SCAMP4: variants seen among roughly 807,000 people sequenced by gnomAD.
SCAMP4 encodes secretory carrier-associated membrane protein 4.
A neutral mutation model predicts 32.1 loss-of-function variants in SCAMP4; 19 were observed. That is an observed-to-expected ratio of 0.59 (90% CI 0.41 to 0.87). The LOEUF (loss-of-function observed/expected upper bound fraction) is 0.87, where lower values mean the gene tolerates loss of function less well. Ranked by LOEUF, SCAMP4 falls within the 40% of genes least tolerant of loss-of-function variation. The pLI is 0.00. For synonymous variants in SCAMP4, 152 were observed against 132.7 expected (o/e 1.15, Z -1.00); for missense variants, 302 against 309.0 (o/e 0.98, Z 0.17).
chr19:1,908,156 C>T lies in SCAMP4; in HGVS notation c.-42+2717C>T, dbSNP rs1020958933. The stretch of plus-strand genomic sequence containing the variant: ...CTCGGTCCTGGTCGCGCGTGGTGTG[C>T]GTTTTGGGAGGGCCCAGCGAGTCGG... On this transcript the variant is annotated intron_variant, in intron 1 of 6. Coordinates refer to ENST00000316097, the MANE Select transcript of SCAMP4 (RefSeq NM_079834.4). This position sits in a 1 kb window ranked among gnomAD's most constrained non-coding sequence, Gnocchi z 4.2. 2 of 259,538 alleles carry T rather than the reference C, an allele frequency of 7.7e-6. No homozygotes were observed. The highest frequency in any genetic ancestry group is 5.2e-5 in the Admixed American group (1 of 19,328). 16.1% of individuals were successfully genotyped at this position (259,538 alleles called of 1,614,324 possible).
chr19:1,914,913 G>A, intron 1 of SCAMP4, 66 bp from the exon 2 acceptor site: 1 of 1,344,832 alleles, frequency 7.4e-7, no homozygotes, highest in South Asian at 1.2e-5. Flanking sequence ...AGCCACGGTG[G>A]GTGGGTGGTT....
In SCAMP4 at chr19:1,908,861, T is replaced by C. The variant is rs1315318675; in HGVS notation, c.-42+3422T>C. 6.7e-6 allele frequency among the ~76,000 whole-genome samples: 1 copy of C among 150,204 alleles called. No individual in the cohort carries two copies. The highest frequency in any genetic ancestry group is 2.5e-5 in the African/African-American group (1 of 40,620). On this transcript the variant is annotated intron_variant, in intron 1 of 6. Coordinates refer to ENST00000316097, the MANE Select transcript of SCAMP4 (RefSeq NM_079834.4). This position sits in a 1 kb window ranked among gnomAD's most constrained non-coding sequence, Gnocchi z 4.2. ...GCTCACACCTGTAATCCCAGCACTT[T>C]GGGAGGCTGAGGCAGGTGGATCACC...
chr19:1,919,151 G>A (rs1199827087), intron 5 of SCAMP4, 161 bp downstream of exon 5: 14 of 1,445,668 alleles, frequency 9.7e-6, no homozygotes, highest in African/African-American at 2.9e-5. Flanking sequence ...CCGCGTCCTC[G>A]CCAGCGCCCG....
intron 1 of SCAMP4, chr19:1,912,476 C>T (rs2013517980): frequency 6.7e-7 from 1 of 1,500,300 alleles, no homozygotes; most frequent in Non-Finnish European, 8.8e-7. Flanking sequence ...TCCTGGTGCC[C>T]GTGCCCGCCC....
rs1455995288 is a variant in SCAMP4 at position 1,925,568 on chromosome 19, T to C, written c.*1284T>C. ...AACGGTTGGGCCAAAAAGAAACTTT[T>C]CCTTCATCATTTCCTGCACTCGCTG... On this transcript the variant is annotated 3_prime_UTR_variant, in exon 7 of 7. Transcript: ENST00000316097. The C allele has an allele frequency of 6.5e-6, 1 of 153,070 alleles. No homozygotes were observed. The highest frequency in any genetic ancestry group is 6.5e-5 in the Admixed American group (1 of 15,270). The allele number at this position is 153,070 out of a possible 1,614,324, so 9.5% of individuals were successfully genotyped here.
chr19:1,910,575 C>CTTT (rs11350651), intron 1 of SCAMP4, among the ~76,000 whole-genome samples: 4 of 95,078 alleles, frequency 4.2e-5, no homozygotes, highest in African/African-American at 1.1e-4. Context: ...TTTGAGGTGT[C>CTTT]TTTTTTTTTT....
Position 1,912,766 on chromosome 19 carries a change from C to G in SCAMP4, c.-41-2213C>G, listed in dbSNP as rs1212965737. The stretch of plus-strand genomic sequence containing the variant: ...TGCGCGGACAACCCCCTCCTGCACG[C>G]CGTCATGGTGTGCGTGGACCTCGTG... On this transcript the variant is annotated intron_variant, in intron 1 of 6. Transcript: ENST00000316097. 4 of 1,560,736 alleles carry G rather than the reference C, an allele frequency of 2.6e-6. No individual in the cohort carries two copies. In the Admixed American group the frequency reaches 7.3e-5, roughly 29 times the overall value.
At chr19:1,912,756 C>G in intron 1 of SCAMP4, 1 of 1,553,242 alleles carries the variant, frequency 6.4e-7, no homozygotes, top group Non-Finnish European at 8.6e-7. Flanking sequence ...GGACAACCCC[C>G]TCCTGCACGC....
intron 1 of SCAMP4, among the ~76,000 whole-genome samples, chr19:1,911,552 G>T (rs1000665052): frequency 6.6e-6 from 1 of 152,190 alleles, no homozygotes; most frequent in South Asian, 2.1e-4. Flanking sequence ...AGGTTGAAGC[G>T]GGTGGATCAC....
At position 1,908,264 on chromosome 19, in the gene SCAMP4, A is replaced by G. The variant is rs2013244608; in HGVS notation, c.-42+2825A>G. 1 of 281,632 alleles carries G rather than the reference A, an allele frequency of 3.6e-6. No individual in the cohort carries two copies. Among genetic ancestry groups the G allele is most frequent in the South Asian group, 2.8e-5 (1 of 35,376 alleles). The allele number at this position is 281,632 out of a possible 1,614,324, so 17.4% of individuals were successfully genotyped here. A position where few individuals can be genotyped will look rare whatever the true frequency, so the allele number is the denominator to read the frequency against. Reference sequence around the variant, plus strand: ...TCCGCGCTTCCTGCTCCCGGCTCCCACTGCATCTCCGGTTCTGTGCTTTGT... The same window carrying G: ...TCCGCGCTTCCTGCTCCCGGCTCCCGCTGCATCTCCGGTTCTGTGCTTTGT... On this transcript the variant is annotated intron_variant, in intron 1 of 6. Transcript: ENST00000316097. The surrounding 1 kb of genome is among the most constrained non-coding windows in gnomAD (Gnocchi z 4.2).
intron 1 of SCAMP4, chr19:1,912,877 G>A (rs1482019898): frequency 3.1e-6 from 5 of 1,603,888 alleles, no homozygotes; most frequent in East Asian, 4.5e-5. Flanking sequence ...CAGGCCGTCC[G>A]CGCAGGCGCC....
At chr19:1,921,408 G>A (rs931147810) in intron 5 of SCAMP4, 1 of 984,306 alleles carries the variant, frequency 1.0e-6, no homozygotes, top group Non-Finnish European at 1.2e-6. Context: ...TGGTGAGGGT[G>A]GCCACATGGC....
chr19:1,922,890 G>A lies in SCAMP4; in HGVS notation c.396-180G>A, dbSNP rs188769921. The A allele has an allele frequency of 7.7e-4, 1,025 of 1,333,830 alleles. 4 individuals are homozygous for A. Among genetic ancestry groups the A allele is most frequent in the Non-Finnish European group, 6.8e-4 (715 of 1,044,332 alleles). 82.6% of individuals were successfully genotyped at this position (1,333,830 alleles called of 1,614,324 possible). A position where few individuals can be genotyped will look rare whatever the true frequency, so the allele number is the denominator to read the frequency against. On this transcript the variant is annotated intron_variant, in intron 5 of 6. Coordinates refer to ENST00000316097, the MANE Select transcript of SCAMP4 (RefSeq NM_079834.4). ...TGGAGGGATAAGGTCGTATTCACGCGTTGAAGTTGGTGCCTCTCAGTATCG... is the reference window on the plus strand; with the variant it reads ...TGGAGGGATAAGGTCGTATTCACGCATTGAAGTTGGTGCCTCTCAGTATCG...
Position 1,924,323 on chromosome 19 carries a change from C to T in SCAMP4, c.*39C>T, listed in dbSNP as rs779042714. On this transcript the variant is annotated 3_prime_UTR_variant, in exon 7 of 7. Transcript: ENST00000316097. ...TGCCCCCACCGCCCACCACCTCCTC[C>T]CCTTCATTCCTGCTGCTACCCCTGG... 2.0e-6 allele frequency: 3 copies of T among 1,531,144 alleles called. No homozygotes were observed. The highest frequency in any genetic ancestry group is 1.8e-6 in the Non-Finnish European group (2 of 1,134,742). 94.8% of individuals were successfully genotyped at this position (1,531,144 alleles called of 1,614,324 possible).
Position 1,918,931 on chromosome 19 carries a change from C to A in SCAMP4, c.336C>A (p.Phe112Leu). The A allele has an allele frequency of 6.2e-7, 1 of 1,612,444 alleles. No individual in the cohort carries two copies. The highest frequency in any genetic ancestry group is 8.5e-7 in the Non-Finnish European group (1 of 1,179,248). The change falls in exon 5 of 7, where the codon TTC (phenylalanine) becomes TTA (leucine). Residue 112 changes from phenylalanine (F) to leucine (L), a missense_variant. Physicochemically the swap from Phe to Leu is conservative, Grantham distance 22 (BLOSUM62 0). Transcript: ENST00000316097. ...SFNFMAFFFIFGAQFVLTVIQ... is the reference protein window; with the variant it reads ...SFNFMAFFFILGAQFVLTVIQ... ...ATTTCATGGCGTTTTTCTTCATCTT[C>A]GGAGCCCAGTTTGTCCTGACCGTCA...
chr19:1,913,921 G>T (rs894116934), intron 1 of SCAMP4, among the ~76,000 whole-genome samples: 1 of 152,166 alleles, frequency 6.6e-6, no homozygotes, highest in Admixed American at 6.5e-5. Flanking sequence ...GAGGGGATCC[G>T]GCAGGTGGGG....
At chr19:1,910,408 C>T (rs922466211) in intron 1 of SCAMP4, among the ~76,000 whole-genome samples, 20 of 152,158 alleles carry the variant, frequency 1.3e-4, no homozygotes, top group African/African-American at 4.8e-4. Flanking sequence ...GCAGAGATCA[C>T]ATCAGTGGTT....
intron 5 of SCAMP4, chr19:1,920,259 G>A (rs575292309): frequency 2.0e-6 from 2 of 985,442 alleles, no homozygotes; most frequent in South Asian, 4.7e-5. Context: ...TGCTCACGGA[G>A]CCGTGGGTGC....
intron 1 of SCAMP4, 96 bp from the exon 2 acceptor site, chr19:1,914,883 G>A (rs1243719128): frequency 3.0e-6 from 3 of 996,708 alleles, no homozygotes; most frequent in Non-Finnish European, 4.8e-6. Context: ...CAGAGCACAG[G>A]GCACGATGAA....
Sources: allele counts gnomAD v4.1 joint callset (sites outside exome capture counted in the v4.1 genomes callset), GRCh38; gene constraint gnomAD v4.1.1; non-coding constraint Gnocchi (gnomAD v3.1); transcripts MANE v1.5; gene names NCBI Gene and HGNC (gene_info 2026-07-23, HGNC 2026-07-21).